The following CRHR2 variants were observed in gnomAD, a reference collection of about 807,000 sequenced individuals.
CRHR2 encodes the protein corticotropin releasing hormone receptor 2, also known as corticotropin-releasing hormone receptor 2.
CRHR2 carries 53 observed loss-of-function variants against 57.9 expected under a neutral mutation model. The observed-to-expected ratio is 0.92, with a 90% CI of 0.73 to 1.15. The LOEUF is 1.15. CRHR2 is among the 50% of genes most tolerant of loss of function. The pLI is 0.00. For missense variants in CRHR2, 532 were observed against 542.6 expected (o/e 0.98, Z 0.19); for synonymous variants, 213 against 220.9 (o/e 0.96, Z 0.32).
intron 8 of CRHR2, among the ~76,000 whole-genome samples, chr7:30,657,894 A>G (rs943801325): frequency 6.6e-6 from 1 of 152,056 alleles, no homozygotes; most frequent in Non-Finnish European, 1.5e-5. Context: ...CCACGTACCC[A>G]TCCATCTACC....
chr7:30,689,216 G>C, exon 2 of CRHR2: 1 of 1,550,480 alleles, frequency 6.4e-7, no homozygotes, highest in Non-Finnish European at 8.7e-7. Flanking sequence ...GGGTCATGAT[G>C]GTGTGGCAGT....
intron 2 of CRHR2, chr7:30,689,064 G>C (rs1784908215): frequency 1.2e-6 from 1 of 808,094 alleles, no homozygotes; most frequent in Non-Finnish European, 2.1e-6. Context: ...ATCAAACCAG[G>C]ACTGGAAACC....
intron 2 of CRHR2, among the ~76,000 whole-genome samples, chr7:30,679,818 G>A (rs1045259447): frequency 6.6e-6 from 1 of 152,164 alleles, no homozygotes; most frequent in Non-Finnish European, 1.5e-5. Context: ...GTGAAGAAAG[G>A]GGAGGAGGGA....
rs1301686299 is a variant in CRHR2, at chr7:30,662,160, C to T, written c.754G>A (p.Glu252Lys). Reference protein sequence around the residue: ...WAIGKLYYENEQCWFGKEPGD... With the variant: ...WAIGKLYYENKQCWFGKEPGD... ...ATGGCTGGCCCATCCACTTACTGTT[C>T]ATTCTCATAGTAGAGCTTGCCGATG... Residue 252 changes from glutamate to lysine, a missense_variant, in exon 7 of 12, where the codon GAA becomes AAA. Glu to Lys is a moderately conservative substitution (Grantham distance 56). Coordinates refer to ENST00000471646, the MANE Select transcript of CRHR2 (RefSeq NM_001883.5). 6.2e-7 allele frequency: 1 copy of T among 1,613,912 alleles called. No individual in the cohort carries two copies. The highest frequency in any genetic ancestry group is 1.3e-5 in the African/African-American group (1 of 74,916).
intron 2 of CRHR2, among the ~76,000 whole-genome samples, chr7:30,681,037 C>G (rs992415687): frequency 1.3e-5 from 2 of 151,996 alleles, no homozygotes; most frequent in African/African-American, 4.8e-5. Context: ...CACAGCCTCC[C>G]GCAGACCACA....
At chr7:30,672,435 G>C (rs530766350) in intron 2 of CRHR2, among the ~76,000 whole-genome samples, 1 of 152,350 alleles carries the variant, frequency 6.6e-6, no homozygotes, top group South Asian at 2.1e-4. Flanking sequence ...GCACTGCACA[G>C]AGCTGAGCAC....
At chr7:30,659,979 T>G (rs1367282562) in intron 8 of CRHR2, among the ~76,000 whole-genome samples, 1 of 152,240 alleles carries the variant, frequency 6.6e-6, no homozygotes, top group East Asian at 1.9e-4. Flanking sequence ...TATAATGGGT[T>G]CCTTTTGCAG....
In CRHR2 at chr7:30,665,494, G is replaced by T; in HGVS notation, c.425+36C>A. On this transcript the variant is annotated intron_variant, in intron 4 of 11. Coordinates refer to ENST00000471646, the MANE Select transcript of CRHR2 (RefSeq NM_001883.5). This position sits in a 1 kb window ranked among gnomAD's most constrained non-coding sequence, Gnocchi z 4.5. ...GGTGAAGGGGGTGCTGTAGGGGGAG[G>T]GATGAGGAGAAAGCAAGGCGGAAGG... The T allele has an allele frequency of 6.7e-7, 1 of 1,497,520 alleles. No homozygotes were observed. Among genetic ancestry groups the T allele is most frequent in the Non-Finnish European group, 9.1e-7 (1 of 1,097,736 alleles). 92.8% of individuals were successfully genotyped at this position (1,497,520 alleles called of 1,614,324 possible). A position where few individuals can be genotyped will look rare whatever the true frequency, so the allele number is the denominator to read the frequency against.
chr7:30,681,756 G>T (rs959783902), intron 2 of CRHR2, among the ~76,000 whole-genome samples, 159 bp downstream of exon 2: 7 of 152,352 alleles, frequency 4.6e-5, no homozygotes, highest in Admixed American at 3.3e-4. Flanking sequence ...GAAGCAGAAG[G>T]CGCGCCCCCA....
chr7:30,682,045 C>A lies in CRHR2; in HGVS notation c.104-5G>T, dbSNP rs1214802473. On this transcript the variant is annotated splice_region_variant and splice_polypyrimidine_tract_variant and intron_variant, in intron 1 of 11. Transcript: ENST00000471646. The stretch of plus-strand genomic sequence containing the variant: ...TGTTGCAGTAGGAGTAGGGACCTGG[C>A]GGCGGGAGAGAGCGCAGTAGGGCTC... The A allele has an allele frequency of 6.3e-7, 1 of 1,578,200 alleles. No homozygotes were observed. The highest frequency in any genetic ancestry group is 1.3e-5 in the African/African-American group (1 of 74,192).
chr7:30,662,292 A>T, intron 6 of CRHR2, 76 bp from the exon 7 acceptor site: 2 of 1,525,322 alleles, frequency 1.3e-6, no homozygotes, highest in Non-Finnish European at 1.8e-6. Flanking sequence ...GTGGGGTACC[A>T]CAACAGGGCT....
upstream of CRHR2, among the ~76,000 whole-genome samples, chr7:30,686,955 A>C (rs867197322): frequency 3.9e-5 from 6 of 152,206 alleles, no homozygotes. Context: ...TGTAGTAGAC[A>C]ATATAATAAG....
chr7:30,655,016 A>G, intron 11 of CRHR2, 23 bp downstream of exon 11: 1 of 1,611,236 alleles, frequency 6.2e-7, no homozygotes, highest in Non-Finnish European at 8.5e-7. Context: ...ATCCCAGGCC[A>G]CCCCGAGGGC....
chr7:30,654,742 A>T, intron 11 of CRHR2: 1 of 1,536,064 alleles, frequency 6.5e-7, no homozygotes, highest in Non-Finnish European at 8.7e-7. Context: ...TCCTTCTGTC[A>T]CCACCTCTGC....
At chr7:30,670,960 CA>C (rs2128144249) in intron 2 of CRHR2, among the ~76,000 whole-genome samples, 1 of 152,222 alleles carries the variant, frequency 6.6e-6, no homozygotes, top group East Asian at 1.9e-4. Flanking sequence ...CCAGGCCTGC[CA>C]AAAACCCCCA....
At chr7:30,676,131 T>C (rs895926104) in intron 2 of CRHR2, among the ~76,000 whole-genome samples, 4 of 152,200 alleles carry the variant, frequency 2.6e-5, no homozygotes, top group African/African-American at 9.6e-5. Context: ...TGGCCAGTCA[T>C]TTCCTACCCT....
At chr7:30,691,092 G>C (rs1268432332) in intron 1 of CRHR2, among the ~76,000 whole-genome samples, 1 of 152,190 alleles carries the variant, frequency 6.6e-6, no homozygotes, top group African/African-American at 2.4e-5. Flanking sequence ...GGGTTGGGGG[G>C]CTGGGGAGGG....
intron 2 of CRHR2, among the ~76,000 whole-genome samples, chr7:30,677,888 G>C (rs1032847312): frequency 2.0e-5 from 3 of 152,204 alleles, no homozygotes; most frequent in Admixed American, 1.3e-4. Context: ...CTGGCAAAAT[G>C]GCAAGATCCC....
chr7:30,682,002 C>G lies in CRHR2; in HGVS notation c.142G>C (p.Gly48Arg). 6.2e-7 allele frequency: 1 copy of G among 1,604,742 alleles called. No homozygotes were observed. The highest frequency in any genetic ancestry group is 8.5e-7 in the Non-Finnish European group (1 of 1,176,204). Residue 48 changes from glycine to arginine, a missense_variant, in exon 2 of 12, where the codon GGA (glycine) becomes CGA (arginine). Coordinates refer to ENST00000471646, the MANE Select transcript of CRHR2 (RefSeq NM_001883.5). ...GCAGCGCTGCGGGGCCAGCACGTTC[C>G]GATCTGGTCCAAGGTCGTGTTGCAG... ...SYCNTTLDQI[G>R]TCWPRSAAGA... is the part of the protein sequence containing the mutation.
Sources: allele counts gnomAD v4.1 joint callset (sites outside exome capture counted in the v4.1 genomes callset), GRCh38; gene constraint gnomAD v4.1.1; non-coding constraint Gnocchi (gnomAD v3.1); transcripts MANE v1.5; gene names NCBI Gene and HGNC (gene_info 2026-07-23, HGNC 2026-07-21).